Variants in NELL2 observed in about 807,000 individuals in gnomAD.
NELL2 encodes neural EGFL like 2, also known as protein kinase C-binding protein NELL2.
Under a neutral mutation model 109.6 loss-of-function variants are expected in NELL2, and 41 were observed. That is an observed-to-expected ratio of 0.37 (90% CI 0.29 to 0.49). The LOEUF (loss-of-function observed/expected upper bound fraction) is 0.49. NELL2 is among the 20% of genes least tolerant of loss of function. The pLI, the probability that NELL2 is intolerant of heterozygous loss-of-function variation, is 0.98. For synonymous variants in NELL2, 355 were observed against 344.7 expected (o/e 1.03, Z -0.33); for missense variants, 900 against 1,008.3 (o/e 0.89, Z 1.45).
chr12:44,829,861 T>A (rs1027177005), intron 2 of NELL2, among the ~76,000 whole-genome samples: 1 of 152,168 alleles, frequency 6.6e-6, no homozygotes, highest in East Asian at 1.9e-4. Flanking sequence ...AACCATTAAG[T>A]GCAAAAGAGA....
chr12:44,614,040 T>G (rs1292076580), intron 13 of NELL2, among the ~76,000 whole-genome samples: 1 of 152,024 alleles, frequency 6.6e-6, no homozygotes, highest in Admixed American at 6.6e-5. Context: ...CATGTCAGGA[T>G]GTAATAGTGA....
intron 9 of NELL2, among the ~76,000 whole-genome samples, chr12:44,758,375 T>G (rs1940981901): frequency 6.6e-6 from 1 of 152,190 alleles, no homozygotes; most frequent in Non-Finnish European, 1.5e-5. Context: ...CACACATAAC[T>G]CCTAGTTACT....
chr12:44,868,591 G>A (rs2658948), intron 2 of NELL2, among the ~76,000 whole-genome samples: 34,035 of 152,036 alleles, frequency 0.22, 4,421 homozygotes, highest in East Asian at 0.46. Flanking sequence ...TTGAGACAAC[G>A]TGGATCAACC....
chr12:44,827,414 T>TG (rs1399785752), intron 2 of NELL2, among the ~76,000 whole-genome samples: 1 of 147,646 alleles, frequency 6.8e-6, no homozygotes, highest in African/African-American at 2.6e-5. Flanking sequence ...TCTAACTGTT[T>TG]TTTTTTTTTT....
intron 2 of NELL2, among the ~76,000 whole-genome samples, chr12:44,843,436 T>C (rs1944284661): frequency 6.6e-6 from 1 of 152,150 alleles, no homozygotes; most frequent in African/African-American, 2.4e-5. Context: ...CTTTGAGAAA[T>C]TGCTGGCAGG....
At chr12:44,679,039 G>T (rs886398213) in intron 12 of NELL2, among the ~76,000 whole-genome samples, 2 of 152,102 alleles carry the variant, frequency 1.3e-5, no homozygotes, top group African/African-American at 4.8e-5. Context: ...AAATGCTGAT[G>T]GGAAGGAGCA....
intron 15 of NELL2, among the ~76,000 whole-genome samples, chr12:44,583,835 C>A (rs556754502): frequency 1.3e-5 from 2 of 152,250 alleles, no homozygotes; most frequent in African/African-American, 4.8e-5. Flanking sequence ...TGCAGTGGCA[C>A]AATCTCAGCT....
intron 13 of NELL2, among the ~76,000 whole-genome samples, chr12:44,647,552 T>C (rs1457593472): frequency 6.6e-6 from 1 of 152,122 alleles, no homozygotes; most frequent in East Asian, 1.9e-4. Flanking sequence ...TTAAGAGCTA[T>C]AGAAATGCAG....
intron 13 of NELL2, among the ~76,000 whole-genome samples, chr12:44,625,567 T>C (rs544445453): frequency 6.6e-6 from 1 of 152,216 alleles, no homozygotes; most frequent in East Asian, 1.9e-4. Context: ...TCTGTGTTTA[T>C]TGATTGAATG....
At chr12:44,895,054 T>C (rs369741522) in intron 1 of NELL2, among the ~76,000 whole-genome samples, 6 of 152,326 alleles carry the variant, frequency 3.9e-5, no homozygotes, top group Admixed American at 3.3e-4. Flanking sequence ...AAAGAGATTG[T>C]GTAGGATTTA....
At chr12:44,532,532 T>C (rs940375910) in intron 16 of NELL2, 49 bp downstream of exon 16, 5 of 1,579,562 alleles carry the variant, frequency 3.2e-6, no homozygotes, top group Non-Finnish European at 4.3e-6. Context: ...GATATATTCC[T>C]CAAGTTCAAG....
intron 12 of NELL2, among the ~76,000 whole-genome samples, chr12:44,698,324 T>C (rs945979350): frequency 2.6e-5 from 4 of 152,202 alleles, no homozygotes; most frequent in Non-Finnish European, 4.4e-5. Flanking sequence ...GAAATGATTA[T>C]GGTAGGTGAC....
upstream of NELL2, among the ~76,000 whole-genome samples, chr12:44,878,940 T>G (rs1036189092): frequency 7.2e-5 from 11 of 152,210 alleles, no homozygotes; most frequent in African/African-American, 2.7e-4. Context: ...AAAGGGGATT[T>G]AAGGTTGCAG....
intron 15 of NELL2, among the ~76,000 whole-genome samples, chr12:44,592,522 T>TAG (rs1247392141): frequency 6.7e-6 from 1 of 150,164 alleles, no homozygotes; most frequent in Non-Finnish European, 1.5e-5. Context: ...AAGAGGGAGA[T>TAG]AGAGAGAGAG....
chr12:44,814,331 G>A lies in NELL2; in HGVS notation c.335+1655C>T, dbSNP rs577969715. On this transcript the variant is annotated intron_variant, in intron 3 of 19. Transcript: ENST00000429094. ...AGCAAAATCTAATGTGCAAAATTAAGGCGAAATTTTCCTAGCATGTAGAGG... is the reference window on the plus strand; with the variant it reads ...AGCAAAATCTAATGTGCAAAATTAAAGCGAAATTTTCCTAGCATGTAGAGG... Among the ~76,000 whole-genome samples the A allele has an allele frequency of 2.0e-5, 3 of 152,308 alleles. No homozygotes were observed. The East Asian group carries it at 5.8e-4, about 29-fold the overall frequency.
At chr12:44,859,524 G>A (rs1944777467) in intron 2 of NELL2, among the ~76,000 whole-genome samples, 1 of 152,206 alleles carries the variant, frequency 6.6e-6, no homozygotes, top group Admixed American at 6.5e-5. Context: ...CTGGGTGACA[G>A]AGTGAGACTC....
chr12:44,895,939 C>T (rs139096720), intron 1 of NELL2, among the ~76,000 whole-genome samples: 1 of 152,170 alleles, frequency 6.6e-6, no homozygotes, highest in African/African-American at 2.4e-5. Context: ...TATACATTTG[C>T]AAATAAAACA....
chr12:44,692,926 TGTTGAAATGACAACCAAGAA>T (rs1948943935), intron 12 of NELL2, among the ~76,000 whole-genome samples: 1 of 152,202 alleles, frequency 6.6e-6, no homozygotes. Context: ...CTATGAGCAT[TGTTGAAATGACAACCAAGAA>T]TTTAGAATAT....
rs200477054 is a variant in NELL2, at chr12:44,573,511, C to CA, written c.1663+33657dup. Among the ~76,000 whole-genome samples the CA allele has an allele frequency of 5.3e-3, 801 of 152,012 alleles. 9 individuals are homozygous for CA. Among genetic ancestry groups the CA allele is most frequent in the African/African-American group, 0.018 (742 of 41,462 alleles). ...GGATGAGATAATTTTTGAAAAGCAA[C>CA]AAAAAACCCACTAATAAATAGAAAA... On this transcript the variant is annotated intron_variant, in intron 15 of 19. Transcript: ENST00000429094.
Sources: allele counts gnomAD v4.1 joint callset (sites outside exome capture counted in the v4.1 genomes callset), GRCh38; gene constraint gnomAD v4.1.1; transcripts MANE v1.5; gene names NCBI Gene and HGNC (gene_info 2026-07-23, HGNC 2026-07-21).